CCDC73: variants seen among roughly 807,000 people sequenced by gnomAD.
CCDC73 encodes coiled-coil domain-containing protein 73.
In CCDC73, 95 loss-of-function variants were observed where a neutral mutation model predicts 116.5. That is an observed-to-expected ratio of 0.82 (90% CI 0.69 to 0.97). The LOEUF (loss-of-function observed/expected upper bound fraction) is 0.97. CCDC73 is among the 50% of genes least tolerant of loss of function. The probability of loss-of-function intolerance (pLI) is 0.00; values close to 1 mark genes in which losing one functional copy is unlikely to be tolerated. For synonymous variants in CCDC73, 398 were observed against 401.3 expected, an observed-to-expected ratio of 0.99 and a Z score of 0.10; for missense variants, 1,066 against 1,206.8, an observed-to-expected ratio of 0.88 and a Z score of 1.73.
chr11:32,712,655 A>G (rs1425170633), intron 3 of CCDC73, among the ~76,000 whole-genome samples: 2 of 151,962 alleles, frequency 1.3e-5, no homozygotes, highest in African/African-American at 4.8e-5. Flanking sequence ...AAACTATACA[A>G]TAATACTATT....
At chr11:32,626,206 T>C (rs941240856) in intron 14 of CCDC73, among the ~76,000 whole-genome samples, 1 of 152,104 alleles carries the variant, frequency 6.6e-6, no homozygotes, top group African/African-American at 2.4e-5. Flanking sequence ...AGCCAAATCA[T>C]AAGTGAACTC....
chr11:32,732,606 C>A (rs1437936785), intron 2 of CCDC73, among the ~76,000 whole-genome samples: 7 of 152,098 alleles, frequency 4.6e-5, no homozygotes, highest in Non-Finnish European at 1.0e-4. Context: ...AGAGTGGGGG[C>A]CAATCTTCAA....
chr11:32,642,246 C>A (rs1855740389), intron 12 of CCDC73, among the ~76,000 whole-genome samples, 164 bp from the exon 13 acceptor site: 1 of 151,864 alleles, frequency 6.6e-6, no homozygotes, highest in Non-Finnish European at 1.5e-5. Flanking sequence ...TGGAAAGGTG[C>A]TTATAGTTTA....
At chr11:32,701,595 G>A (rs936362902) in intron 4 of CCDC73, among the ~76,000 whole-genome samples, 1 of 152,010 alleles carries the variant, frequency 6.6e-6, no homozygotes, top group Non-Finnish European at 1.5e-5. Flanking sequence ...TTGGGAGGCG[G>A]GAGGATCGTT....
chr11:32,760,180 A>T lies in CCDC73; in HGVS notation c.64T>A (p.Leu22Met), dbSNP rs1850379264. The stretch of plus-strand genomic sequence containing the variant: ...AAATCTAATAGCTGAATAGAAAACA[A>T]TGTCTCTGAAGAACTTTGAAGAGTA... The part of the protein sequence containing the change: ...TFTLQSSSET[L>M]FSIQLLDFKT... Residue 22 changes from leucine (L) to methionine (M), a missense_variant, in exon 2 of 18, where the codon TTG becomes ATG. Physicochemically the swap from Leu to Met is conservative, Grantham distance 15 (BLOSUM62 2). Transcript: ENST00000335185. 2 of 1,599,866 alleles carry T rather than the reference A, an allele frequency of 1.3e-6. No individual in the cohort carries two copies. The highest frequency in any genetic ancestry group is 1.7e-6 in the Non-Finnish European group (2 of 1,170,216).
At chr11:32,706,931 T>C (rs771024056) in intron 3 of CCDC73, among the ~76,000 whole-genome samples, 3 of 152,182 alleles carry the variant, frequency 2.0e-5, no homozygotes, top group Non-Finnish European at 4.4e-5. Context: ...ATGACTTTCC[T>C]GTTCATAATC....
chr11:32,669,910 T>G (rs1392295344), intron 9 of CCDC73, among the ~76,000 whole-genome samples: 1 of 152,206 alleles, frequency 6.6e-6, no homozygotes, highest in Non-Finnish European at 1.5e-5. Context: ...TTGTGAACAG[T>G]GCTGCAACAA....
intron 1 of CCDC73, among the ~76,000 whole-genome samples, chr11:32,779,021 A>T (rs198266): frequency 0.77 from 117,046 of 151,980 alleles, 45,356 homozygotes; most frequent in East Asian, 0.94. Flanking sequence ...TCTGGGCCAG[A>T]GTTCCAACTG....
chr11:32,649,086 A>G (rs1328340087), intron 12 of CCDC73, among the ~76,000 whole-genome samples: 2 of 152,180 alleles, frequency 1.3e-5, no homozygotes, highest in Non-Finnish European at 2.9e-5. Flanking sequence ...GGTAGTCATA[A>G]ATATGTAGTT....
chr11:32,608,161 T>C (rs1446288014), intron 17 of CCDC73, among the ~76,000 whole-genome samples: 1 of 151,978 alleles, frequency 6.6e-6, no homozygotes, highest in African/African-American at 2.4e-5. Flanking sequence ...CCCTCCCAAA[T>C]CTCATATCCT....
intron 2 of CCDC73, among the ~76,000 whole-genome samples, chr11:32,754,410 G>A (rs947684558): frequency 6.6e-6 from 1 of 152,036 alleles, no homozygotes; most frequent in African/African-American, 2.4e-5. Context: ...AGTCAGAAAG[G>A]ATAGAATGAC....
chr11:32,766,865 G>C (rs1850447259), intron 1 of CCDC73, among the ~76,000 whole-genome samples: 1 of 152,154 alleles, frequency 6.6e-6, no homozygotes, highest in South Asian at 2.1e-4. Flanking sequence ...TGGATAGGAA[G>C]AATCAATATC....
intron 2 of CCDC73, among the ~76,000 whole-genome samples, chr11:32,751,921 C>T (rs964412972): frequency 6.6e-6 from 1 of 152,126 alleles, no homozygotes; most frequent in African/African-American, 2.4e-5. Flanking sequence ...GTACAATGAT[C>T]CGGCTTAGCA....
chr11:32,701,011 A>G (rs1005294645), intron 4 of CCDC73, among the ~76,000 whole-genome samples, 185 bp from the exon 5 acceptor site: 1 of 152,136 alleles, frequency 6.6e-6, no homozygotes, highest in Non-Finnish European at 1.5e-5. Flanking sequence ...GCCAGTCACT[A>G]AAGTAAATGA....
intron 5 of CCDC73, 63 bp from the exon 6 acceptor site, chr11:32,699,388 A>G (rs1849788907): frequency 7.1e-7 from 1 of 1,406,628 alleles, no homozygotes; most frequent in Non-Finnish European, 9.4e-7. Flanking sequence ...AGGGTAAAAT[A>G]TAAGAGCTCA....
At chr11:32,751,485 T>A (rs1440369092) in intron 2 of CCDC73, among the ~76,000 whole-genome samples, 1 of 152,146 alleles carries the variant, frequency 6.6e-6, no homozygotes, top group Admixed American at 6.5e-5. Flanking sequence ...GAAACTCAAG[T>A]TCAAACCACT....
At chr11:32,784,286 G>A (rs566167601) in intron 1 of CCDC73, among the ~76,000 whole-genome samples, 44 of 151,488 alleles carry the variant, frequency 2.9e-4, no homozygotes, top group African/African-American at 8.5e-4. Flanking sequence ...CCAAGATCGC[G>A]CCACTGCACT....
chr11:32,666,296 C>G (rs902386936), intron 9 of CCDC73, among the ~76,000 whole-genome samples: 1 of 152,228 alleles, frequency 6.6e-6, no homozygotes, highest in Non-Finnish European at 1.5e-5. Context: ...TTCAGGTACA[C>G]CAACCAGGCA....
intron 9 of CCDC73, among the ~76,000 whole-genome samples, chr11:32,674,868 G>A (rs747326724): frequency 9.2e-5 from 14 of 152,156 alleles, no homozygotes; most frequent in Admixed American, 3.9e-4. Context: ...GAAGGCAAGC[G>A]GATACTGAAT....
Sources: gnomAD v4.1 joint callset for allele counts (sites outside exome capture counted in the v4.1 genomes callset) on GRCh38, gnomAD v4.1.1 for gene constraint, MANE v1.5 for transcripts, NCBI Gene and HGNC (gene_info 2026-07-23, HGNC 2026-07-21) for gene names.